Variants in BARD1 observed in about 807,000 individuals in gnomAD.
The protein encoded by BARD1 is BRCA1-associated RING domain protein 1.
A neutral mutation model predicts 77.0 loss-of-function variants in BARD1; 73 were observed. That is an observed-to-expected ratio of 0.95 (90% confidence interval 0.79 to 1.15). The LOEUF (loss-of-function observed/expected upper bound fraction) is 1.15. Among genes scored for constraint, BARD1 ranks in the 50% most tolerant of loss-of-function variants. The probability of loss-of-function intolerance (pLI) is 0.00; values close to 1 mark genes in which losing one functional copy is unlikely to be tolerated. For missense variants in BARD1, 993 were observed against 938.8 expected (o/e 1.06, Z -0.75); for synonymous variants, 384 against 338.0 (o/e 1.14, Z -1.49).
rs1694436520 is a variant in BARD1 at position 214,770,587 on chromosome 2, A to G, written c.1315-1275T>C. Among the ~76,000 whole-genome samples the G allele has an allele frequency of 2.6e-5, 4 of 152,366 alleles. No individual in the cohort carries two copies. In the South Asian group the frequency reaches 8.3e-4, roughly 32 times the overall value. ...CAATATTAATTCGACTTTCATATTA[A>G]GACACCGTCAATTATTAAATAGCAT... On this transcript the variant is annotated intron_variant, in intron 4 of 10. Coordinates refer to ENST00000260947, the MANE Select transcript of BARD1 (RefSeq NM_000465.4).
rs3768707 is a variant in BARD1, at chr2:214,780,411, A to G, written c.1314+149T>C. ...CAACTGAAGTAGAGATGCTCTCCCTATGAATCTGGCTTCTCTGGTTCAGAG... is the reference window on the plus strand; with the variant it reads ...CAACTGAAGTAGAGATGCTCTCCCTGTGAATCTGGCTTCTCTGGTTCAGAG... On this transcript the variant is annotated intron_variant, in intron 4 of 10. Transcript: ENST00000260947. 540,953 of 719,472 alleles carry G rather than the reference A, an allele frequency of 0.75. 204,409 individuals carry two copies. The highest frequency in any genetic ancestry group is 0.77 in the East Asian group (28,633 of 37,120). The allele number at this position is 719,472 out of a possible 1,614,324, so 44.6% of individuals were successfully genotyped here.
rs5020511 is a variant in BARD1 at position 214,728,509 on chromosome 2, T to C, written c.*167A>G. 410,431 of 674,652 alleles carry C rather than the reference T, an allele frequency of 0.61. 127,329 individuals are homozygous for C. Among genetic ancestry groups the C allele is most frequent in the African/African-American group, 0.77 (42,139 of 54,738 alleles). The allele number at this position is 674,652 out of a possible 1,614,324, so 41.8% of individuals were successfully genotyped here. A position where few individuals can be genotyped will look rare whatever the true frequency, so the allele number is the denominator to read the frequency against. The stretch of plus-strand genomic sequence containing the variant: ...AATCCCAGCTTCTAAATGGTAAACA[T>C]AACATGAATTCCTAATCTGGCATTA... On this transcript the variant is annotated 3_prime_UTR_variant, in exon 11 of 11. Coordinates refer to ENST00000260947, the MANE Select transcript of BARD1 (RefSeq NM_000465.4).
intron 7 of BARD1, among the ~76,000 whole-genome samples, chr2:214,748,385 G>A (rs551430482): frequency 3.4e-4 from 51 of 152,060 alleles, no homozygotes; most frequent in East Asian, 1.5e-3. Context: ...CACCCCAAAG[G>A]TTTAATACCC....
At chr2:214,738,919 A>G (rs1692687138) in intron 9 of BARD1, among the ~76,000 whole-genome samples, 1 of 152,110 alleles carries the variant, frequency 6.6e-6, no homozygotes, top group Non-Finnish European at 1.5e-5. Context: ...GTGAAGCAGG[A>G]AGACCGCTTG....
intron 5 of BARD1, among the ~76,000 whole-genome samples, chr2:214,768,212 C>G (rs908427392): frequency 2.0e-5 from 3 of 152,176 alleles, no homozygotes; most frequent in African/African-American, 7.2e-5. Context: ...TCAAAGATGC[C>G]TTACATCCAA....
intron 6 of BARD1, among the ~76,000 whole-genome samples, chr2:214,756,369 T>C (rs1276210680): frequency 6.6e-6 from 1 of 152,230 alleles, no homozygotes; most frequent in Non-Finnish European, 1.5e-5. Context: ...GGAACACTTC[T>C]ACACTGTTGG....
At chr2:214,767,781 T>A in intron 5 of BARD1, 127 bp from the exon 6 acceptor site, 1 of 811,280 alleles carries the variant, frequency 1.2e-6, no homozygotes, top group Non-Finnish European at 2.0e-6. Context: ...ACCTAAATAC[T>A]CAAAAACACT....
At chr2:214,745,013 G>T in intron 9 of BARD1, 54 bp downstream of exon 9, 1 of 1,491,368 alleles carries the variant, frequency 6.7e-7, no homozygotes, top group South Asian at 1.1e-5. Flanking sequence ...TAATAACCAT[G>T]AAAAACAAAA....
At chr2:214,789,838 T>C (rs1215672838) in intron 3 of BARD1, among the ~76,000 whole-genome samples, 1 of 152,050 alleles carries the variant, frequency 6.6e-6, no homozygotes, top group Non-Finnish European at 1.5e-5. Context: ...TTAATATAAG[T>C]AACGTTGAGG....
At chr2:214,763,918 C>A (rs1272035676) in intron 6 of BARD1, among the ~76,000 whole-genome samples, 1 of 152,140 alleles carries the variant, frequency 6.6e-6, no homozygotes, top group Non-Finnish European at 1.5e-5. Context: ...CCTGTTACTA[C>A]CTAATTCTAG....
chr2:214,780,618 T>C lies in BARD1; in HGVS notation c.1256A>G (p.Asn419Ser), dbSNP rs776723079. The change falls in exon 4 of 11, where the codon AAT (asparagine) becomes AGT (serine). Residue 419 changes from asparagine (N) to serine (S), a missense_variant. Transcript: ENST00000260947. ...SSPSAMKLLP[N>S]MAVKRNHRGE... ...TCTATGATTTCTTTTCACAGCCATA[T>C]TGGGCAACAGCTTCATTGCTGAGGG... 1.9e-6 allele frequency: 3 copies of C among 1,614,090 alleles called. No homozygotes were observed. The highest frequency in any genetic ancestry group is 1.3e-5 in the African/African-American group (1 of 75,058).
At chr2:214,735,631 C>A (rs1158823031) in intron 9 of BARD1, among the ~76,000 whole-genome samples, 1 of 152,128 alleles carries the variant, frequency 6.6e-6, no homozygotes, top group Non-Finnish European at 1.5e-5. Context: ...GGAATTTGAA[C>A]CTAAATCTGC....
chr2:214,772,812 T>G (rs1013739518), intron 4 of BARD1, among the ~76,000 whole-genome samples: 1 of 152,172 alleles, frequency 6.6e-6, no homozygotes, highest in Non-Finnish European at 1.5e-5. Flanking sequence ...TTAGATAGAG[T>G]CTACAGTAAC....
At chr2:214,774,345 A>G (rs1694648752) in intron 4 of BARD1, among the ~76,000 whole-genome samples, 1 of 152,246 alleles carries the variant, frequency 6.6e-6, no homozygotes, top group African/African-American at 2.4e-5. Context: ...TACAACAGCT[A>G]TAGCCTTACA....
intron 7 of BARD1, among the ~76,000 whole-genome samples, chr2:214,751,676 C>T (rs1470320643): frequency 2.0e-5 from 3 of 152,090 alleles, no homozygotes; most frequent in Non-Finnish European, 4.4e-5. Flanking sequence ...CTTTCATATC[C>T]AATTATCTAT....
rs1695776207 is a variant in BARD1 at position 214,796,868 on chromosome 2, T to G, written c.215+193A>C. 4.5e-5 allele frequency: 27 copies of G among 593,966 alleles called. No individual in the cohort carries two copies. The South Asian group carries it at 5.8e-4, about 13-fold the overall frequency. 36.8% of individuals were successfully genotyped at this position (593,966 alleles called of 1,614,324 possible). ...TTGTAACTTGGACAAGTCATCCTCT[T>G]TGAGCTTTGGTTTTCTTATTTGTAA... On this transcript the variant is annotated intron_variant, in intron 2 of 10. Coordinates refer to ENST00000260947, the MANE Select transcript of BARD1 (RefSeq NM_000465.4).
At chr2:214,731,082 G>C (rs1236596904) in intron 9 of BARD1, 2 of 287,336 alleles carry the variant, frequency 7.0e-6, no homozygotes, top group Admixed American at 3.9e-5. Flanking sequence ...TTTGGCATGT[G>C]ACAGGTACAC....
intron 4 of BARD1, among the ~76,000 whole-genome samples, chr2:214,772,067 A>G (rs527711287): frequency 4.9e-4 from 74 of 152,256 alleles, no homozygotes; most frequent in Non-Finnish European, 8.8e-4. Flanking sequence ...CCTGGGCCCA[A>G]GCAATTCTCC....
chr2:214,738,670 T>A (rs1276515935), intron 9 of BARD1, among the ~76,000 whole-genome samples: 3 of 151,446 alleles, frequency 2.0e-5, no homozygotes, highest in African/African-American at 7.3e-5. Context: ...AAAGGAGGGG[T>A]GTTCCTGAAT....
Sources: gnomAD v4.1 joint callset for allele counts (sites outside exome capture counted in the v4.1 genomes callset) on GRCh38, gnomAD v4.1.1 for gene constraint, MANE v1.5 for transcripts, NCBI Gene and HGNC (gene_info 2026-07-23, HGNC 2026-07-21) for gene names.